Variants in TSC22D1 observed in about 807,000 individuals in gnomAD.
TSC22D1 encodes the protein TSC22 domain family member 1.
TSC22D1 carries 9 observed loss-of-function variants against 74.2 expected under a neutral mutation model. That is an observed-to-expected ratio of 0.12 (90% confidence interval 0.07 to 0.21). TSC22D1 has a LOEUF of 0.21. Ranked by LOEUF, TSC22D1 falls within the 10% of genes least tolerant of loss-of-function variation. The pLI, the probability that TSC22D1 is intolerant of heterozygous loss-of-function variation, is 1.00. For synonymous variants in TSC22D1, 586 were observed against 492.5 expected (o/e 1.19, Z -2.51); for missense variants, 1,427 against 1,304.7 (o/e 1.09, Z -1.44).
intron 1 of TSC22D1, among the ~76,000 whole-genome samples, chr13:44,496,972 A>G (rs1177638350): frequency 6.6e-6 from 1 of 152,126 alleles, no homozygotes; most frequent in Admixed American, 6.5e-5. Flanking sequence ...TGAGAGTGTA[A>G]AGTGGTATAG....
intron 1 of TSC22D1, among the ~76,000 whole-genome samples, chr13:44,491,816 G>GT (rs767996650): frequency 6.6e-6 from 1 of 152,146 alleles, no homozygotes; most frequent in African/African-American, 2.4e-5. Flanking sequence ...AATCAGTGGG[G>GT]TTTTTTATGT....
intron 1 of TSC22D1, among the ~76,000 whole-genome samples, chr13:44,562,752 A>G (rs1883127717): frequency 6.6e-6 from 1 of 152,214 alleles, no homozygotes; most frequent in Admixed American, 6.5e-5. Flanking sequence ...ACTTCTTTTC[A>G]CTACCAAACA....
chr13:44,574,546 GGTTGTTGCT>G lies in TSC22D1; in HGVS notation c.1520_1528del (p.Gln507_Gln509del). The G allele has an allele frequency of 1.2e-6, 2 of 1,613,970 alleles. No homozygotes were observed. Among genetic ancestry groups the G allele is most frequent in the Non-Finnish European group, 1.7e-6 (2 of 1,180,030 alleles). On this transcript the variant is annotated inframe_deletion, in exon 1 of 3. Coordinates refer to ENST00000458659, the MANE Select transcript of TSC22D1 (RefSeq NM_183422.4). ...TTGGAGGGTCACACCTTGGAGAGCTGGTTGTTGCTGTTGTTGTTGTTGTTGCTGCTGCTG... is the reference window on the plus strand; with the variant it reads ...TTGGAGGGTCACACCTTGGAGAGCTGGTTGTTGTTGTTGTTGCTGCTGCTG...
At chr13:44,538,237 G>C in intron 1 of TSC22D1, 1 of 985,278 alleles carries the variant, frequency 1.0e-6, no homozygotes, top group Non-Finnish European at 1.2e-6. Flanking sequence ...GACAGACCAA[G>C]CTACTTACAT....
At chr13:44,530,339 A>G (rs761132951) in intron 1 of TSC22D1, among the ~76,000 whole-genome samples, 1 of 152,148 alleles carries the variant, frequency 6.6e-6, no homozygotes, top group Non-Finnish European at 1.5e-5. Context: ...ACTGGACATC[A>G]TATGTCCCTC....
intron 1 of TSC22D1, among the ~76,000 whole-genome samples, chr13:44,546,478 T>C (rs889575683): frequency 6.6e-6 from 1 of 152,116 alleles, no homozygotes; most frequent in Non-Finnish European, 1.5e-5. Flanking sequence ...AACTACCTAG[T>C]ATTCTTCAAA....
intron 1 of TSC22D1, among the ~76,000 whole-genome samples, chr13:44,568,348 G>T (rs1242343803): frequency 6.6e-6 from 1 of 152,030 alleles, no homozygotes; most frequent in African/African-American, 2.4e-5. Flanking sequence ...TCTGATATTG[G>T]AACATCCTAA....
chr13:44,504,020 T>TA (rs1879329414), intron 1 of TSC22D1, among the ~76,000 whole-genome samples: 1 of 152,026 alleles, frequency 6.6e-6, no homozygotes, highest in Non-Finnish European at 1.5e-5. Flanking sequence ...GACTCTATTT[T>TA]AAGTCATGAT....
In TSC22D1 at chr13:44,514,281, T is replaced by C. The variant is rs1279214159; in HGVS notation, c.2912+58882A>G. 2.0e-5 allele frequency among the ~76,000 whole-genome samples: 3 copies of C among 152,130 alleles called. No homozygotes were observed. The East Asian group carries it at 5.8e-4, about 29-fold the overall frequency. ...AAAAAAAGAATCAATAAAGTAAATG[T>C]AAAATAATTCCTTTATCGCCTTGAA... On this transcript the variant is annotated intron_variant, in intron 1 of 2. Transcript: ENST00000458659.
chr13:44,435,010 A>G (rs1874426125), intron 2 of TSC22D1, 127 bp from the exon 3 acceptor site: 2 of 794,828 alleles, frequency 2.5e-6, no homozygotes, highest in East Asian at 2.4e-5. Context: ...AGTTGGTTCA[A>G]TGACACTTGG....
chr13:44,516,279 G>A (rs976048126), intron 1 of TSC22D1: 1 of 422,936 alleles, frequency 2.4e-6, no homozygotes, highest in African/African-American at 2.1e-5. Context: ...GCTGAATGGT[G>A]AGAAAGCACC....
chr13:44,442,123 T>C (rs1185571113), intron 1 of TSC22D1, among the ~76,000 whole-genome samples: 4 of 152,194 alleles, frequency 2.6e-5, no homozygotes, highest in Non-Finnish European at 5.9e-5. Context: ...AGTCCTAGAC[T>C]GAAGAGTGTT....
rs776381497 is a variant in TSC22D1, at chr13:44,573,154, T to C, written c.2912+9A>G. The C allele has an allele frequency of 1.2e-6, 2 of 1,611,566 alleles. No individual in the cohort carries two copies. Among genetic ancestry groups the C allele is most frequent in the African/African-American group, 1.3e-5 (1 of 74,876 alleles). ...GTTGAATGTCTCCAGAAATATGACA[T>C]GATCTTACCTCTCATCCTCGCCATC... On this transcript the variant is annotated intron_variant, in intron 1 of 2. Transcript: ENST00000458659.
At chr13:44,440,404 C>A (rs1184457660) in intron 1 of TSC22D1, among the ~76,000 whole-genome samples, 4 of 151,764 alleles carry the variant, frequency 2.6e-5, no homozygotes, top group African/African-American at 4.8e-5. Context: ...CATGGTAAAA[C>A]CCCGTCTCCA....
chr13:44,572,890 TAATA>T (rs1883868649), intron 1 of TSC22D1, among the ~76,000 whole-genome samples: 1 of 152,218 alleles, frequency 6.6e-6, no homozygotes, highest in South Asian at 2.1e-4. Context: ...ATTTTAGAGA[TAATA>T]AAACCACTTG....
intron 1 of TSC22D1, among the ~76,000 whole-genome samples, chr13:44,516,131 G>C (rs1879966807): frequency 6.6e-6 from 1 of 152,110 alleles, no homozygotes; most frequent in Middle Eastern, 3.2e-3. Context: ...AAGTGTTTTA[G>C]CTATTAGTAG....
In TSC22D1 at chr13:44,537,215, A is replaced by G. The variant is rs1236951065; in HGVS notation, c.2912+35948T>C. 7.8e-6 allele frequency: 7 copies of G among 894,324 alleles called. No homozygotes were observed. In the African/African-American group the frequency reaches 9.0e-5, roughly 12 times the overall value. The allele number at this position is 894,324 out of a possible 1,614,324, so 55.4% of individuals were successfully genotyped here. ...TATATTAATATTCATAAACACTGAA[A>G]AATATAGGACTTCATTTTGTGACAT... On this transcript the variant is annotated intron_variant, in intron 1 of 2. Transcript: ENST00000458659.
rs113862677 is a variant in TSC22D1, at chr13:44,532,686, G to T, written c.2912+40477C>A. ...AGACGGGGTTTCACCGTGTTAGCCAGGATGGTCTCGATCTCCTGACCTGTG... is the reference window on the plus strand; with the variant it reads ...AGACGGGGTTTCACCGTGTTAGCCATGATGGTCTCGATCTCCTGACCTGTG... On this transcript the variant is annotated intron_variant, in intron 1 of 2. Transcript: ENST00000458659. Among the ~76,000 whole-genome samples the T allele has an allele frequency of 1.7e-3, 261 of 152,030 alleles. 2 individuals are homozygous for T. The highest frequency in any genetic ancestry group is 5.9e-3 in the African/African-American group (245 of 41,482).
chr13:44,575,841 C>G lies in TSC22D1; in HGVS notation c.234G>C (p.Gln78His). 1.2e-6 allele frequency: 2 copies of G among 1,613,938 alleles called. No homozygotes were observed. Among genetic ancestry groups the G allele is most frequent in the South Asian group, 2.2e-5 (2 of 91,058 alleles). The change falls in exon 1 of 3, where the codon CAG (glutamine) becomes CAC (histidine). Residue 78 changes from glutamine (Q) to histidine (H), a missense_variant. Physicochemically the swap from Gln to His is conservative, Grantham distance 24. Around this residue, in one of 3 missense-constraint regions of TSC22D1, gnomAD observed 1,343 missense variants for 1,191.5 expected, o/e 1.13. Coordinates refer to ENST00000458659, the MANE Select transcript of TSC22D1 (RefSeq NM_183422.4). ...PPAASSTSGP[Q>H]PPPPQSLNLL... Reference sequence around the variant, plus strand: ...GGTTCAGGCTTTGTGGAGGCGGAGGCTGTGGTCCCGACGTAGAAGATGCTG... The same window carrying G: ...GGTTCAGGCTTTGTGGAGGCGGAGGGTGTGGTCCCGACGTAGAAGATGCTG...
Sources: allele counts gnomAD v4.1 joint callset (sites outside exome capture counted in the v4.1 genomes callset), GRCh38; gene constraint gnomAD v4.1.1; regional missense constraint gnomAD v4.1.1; transcripts MANE v1.5; gene names NCBI Gene and HGNC (gene_info 2026-07-23, HGNC 2026-07-21).